Variants in PRKG1 observed in about 807,000 individuals in gnomAD.
PRKG1 encodes protein kinase cGMP-dependent 1.
Under a neutral mutation model 88.1 loss-of-function variants are expected in PRKG1, and 35 were observed. That is an observed-to-expected ratio of 0.40 (90% CI 0.30 to 0.53). PRKG1 has a LOEUF of 0.53. PRKG1 is among the 20% of genes least tolerant of loss of function. The probability of loss-of-function intolerance (pLI) is 0.59; values close to 1 mark genes in which losing one functional copy is unlikely to be tolerated. For missense variants in PRKG1, 540 were observed against 839.8 expected (o/e 0.64, Z 4.41); for synonymous variants, 303 against 292.5 (o/e 1.04, Z -0.37).
At chr10:52,093,051 T>C (rs1301588231) in intron 7 of PRKG1, among the ~76,000 whole-genome samples, 1 of 152,118 alleles carries the variant, frequency 6.6e-6, no homozygotes, top group East Asian at 1.9e-4. Context: ...TTCAGTAAAA[T>C]GGGATGATAA....
In PRKG1 at chr10:52,288,100, T is replaced by C. The variant is rs181116912; in HGVS notation, c.1710-626T>C. ...AATTAGATTGCTAGGTTACGTGGGTTGATATAGGTTATGTAATTGGTTGTA... is the reference window on the plus strand; with the variant it reads ...AATTAGATTGCTAGGTTACGTGGGTCGATATAGGTTATGTAATTGGTTGTA... On this transcript the variant is annotated intron_variant, in intron 14 of 17. Coordinates refer to ENST00000373980, the MANE Select transcript of PRKG1 (RefSeq NM_006258.4). Among the ~76,000 whole-genome samples, 250 of 152,286 alleles carry C rather than the reference T, an allele frequency of 1.6e-3. 2 individuals carry two copies. Among genetic ancestry groups the C allele is most frequent in the Admixed American group, 3.2e-3 (49 of 15,272 alleles).
chr10:51,458,238 A>G (rs542072670), intron 2 of PRKG1, among the ~76,000 whole-genome samples: 16 of 152,302 alleles, frequency 1.1e-4, no homozygotes, highest in African/African-American at 3.8e-4. Context: ...GAAGTAAGTT[A>G]TAGTCCAGAA....
At chr10:51,637,564 T>C (rs1465821096) in intron 3 of PRKG1, among the ~76,000 whole-genome samples, 1 of 152,204 alleles carries the variant, frequency 6.6e-6, no homozygotes, top group African/African-American at 2.4e-5. Flanking sequence ...GTTGTATATA[T>C]ACACCATGGA....
intron 5 of PRKG1, among the ~76,000 whole-genome samples, chr10:51,963,918 A>T (rs1843506909): frequency 6.6e-6 from 1 of 152,236 alleles, no homozygotes; most frequent in East Asian, 1.9e-4. Context: ...AAATTACTAC[A>T]TAACAACATA....
At chr10:52,115,584 T>C (rs1249457953) in intron 7 of PRKG1, among the ~76,000 whole-genome samples, 1 of 152,158 alleles carries the variant, frequency 6.6e-6, no homozygotes, top group Non-Finnish European at 1.5e-5. Context: ...CTTTCACTGA[T>C]CCACTATCAA....
At chr10:51,278,693 T>G (rs1840203566) in intron 2 of PRKG1, among the ~76,000 whole-genome samples, 1 of 152,198 alleles carries the variant, frequency 6.6e-6, no homozygotes, top group East Asian at 1.9e-4. Flanking sequence ...AGGGTGTATG[T>G]GTCCAGGAAT....
At chr10:51,473,731 C>T (rs114865289) in intron 3 of PRKG1, among the ~76,000 whole-genome samples, 3 of 150,356 alleles carry the variant, frequency 2.0e-5, no homozygotes, top group Non-Finnish European at 4.4e-5. Context: ...ATGAGGAAAT[C>T]TAAACAATAG....
chr10:52,209,969 T>C (rs1839923506), intron 9 of PRKG1, among the ~76,000 whole-genome samples: 1 of 152,200 alleles, frequency 6.6e-6, no homozygotes, highest in African/African-American at 2.4e-5. Context: ...GTACACATAC[T>C]AGCTGCAATC....
intron 1 of PRKG1, among the ~76,000 whole-genome samples, chr10:51,036,217 C>G (rs1843352526): frequency 6.6e-6 from 1 of 152,120 alleles, no homozygotes; most frequent in South Asian, 2.1e-4. Flanking sequence ...CCTCATCAGT[C>G]AACATCCTCC....
chr10:51,021,287 A>G (rs534667159), intron 1 of PRKG1, among the ~76,000 whole-genome samples: 1 of 152,314 alleles, frequency 6.6e-6, no homozygotes, highest in South Asian at 2.1e-4. Flanking sequence ...CTCCTAAAGG[A>G]ATCTCATACG....
chr10:51,717,679 A>G (rs896587112), intron 3 of PRKG1, among the ~76,000 whole-genome samples: 2 of 152,034 alleles, frequency 1.3e-5, no homozygotes, highest in African/African-American at 4.8e-5. Context: ...AAAATATGAA[A>G]AAGTTAGCCG....
chr10:51,093,921 T>C (rs977200048), intron 1 of PRKG1, among the ~76,000 whole-genome samples: 1 of 151,398 alleles, frequency 6.6e-6, no homozygotes, highest in Non-Finnish European at 1.5e-5. Context: ...CTTACCTTGG[T>C]TTCTTGAGAG....
intron 5 of PRKG1, among the ~76,000 whole-genome samples, chr10:51,937,699 A>G (rs1842825125): frequency 6.6e-6 from 1 of 152,040 alleles, no homozygotes; most frequent in South Asian, 2.1e-4. Context: ...TCAGCATGCT[A>G]AGGATAGTCT....
chr10:52,213,368 C>T (rs1409939042), intron 9 of PRKG1, among the ~76,000 whole-genome samples: 1 of 152,098 alleles, frequency 6.6e-6, no homozygotes, highest in African/African-American at 2.4e-5. Flanking sequence ...GTCATGGAAA[C>T]GTCATACCTT....
chr10:51,943,237 T>G (rs1404218162), intron 5 of PRKG1, among the ~76,000 whole-genome samples: 1 of 152,032 alleles, frequency 6.6e-6, no homozygotes, highest in Non-Finnish European at 1.5e-5. Context: ...AGTTCACTCA[T>G]GATTTGGCTC....
chr10:51,909,591 G>A (rs1310745684), intron 5 of PRKG1: 1 of 151,840 alleles, frequency 6.6e-6, no homozygotes, highest in Non-Finnish European at 1.5e-5. Flanking sequence ...AAAAGGGAAG[G>A]GAGATCTATA....
At chr10:51,980,692 T>C (rs1312823558) in intron 5 of PRKG1, among the ~76,000 whole-genome samples, 1 of 152,226 alleles carries the variant, frequency 6.6e-6, no homozygotes, top group African/African-American at 2.4e-5. Flanking sequence ...ATATTTAGGA[T>C]AGTTAGGTCT....
At chr10:51,708,341 C>G (rs927366483) in intron 3 of PRKG1, among the ~76,000 whole-genome samples, 5 of 152,146 alleles carry the variant, frequency 3.3e-5, no homozygotes, top group Non-Finnish European at 7.3e-5. Flanking sequence ...TTTAGAGGCT[C>G]TGTCTCTAAA....
At chr10:51,757,268 A>AT (rs775192980) in intron 3 of PRKG1, among the ~76,000 whole-genome samples, 5 of 151,936 alleles carry the variant, frequency 3.3e-5, no homozygotes, top group Non-Finnish European at 7.4e-5. Context: ...CATCCAGCTA[A>AT]TTTTTTTGTA....
Sources: gnomAD v4.1 joint callset for allele counts (sites outside exome capture counted in the v4.1 genomes callset) on GRCh38, gnomAD v4.1.1 for gene constraint, MANE v1.5 for transcripts, NCBI Gene and HGNC (gene_info 2026-07-23, HGNC 2026-07-21) for gene names.